Variants in PTBP1 observed in about 807,000 individuals in gnomAD.
PTBP1 encodes the protein polypyrimidine tract binding protein 1, also known as polypyrimidine tract-binding protein 1.
In PTBP1, 8 loss-of-function variants were observed where a neutral mutation model predicts 59.8. The ratio of observed to expected loss-of-function variants is 0.13; its 90% CI spans 0.08 to 0.24. The LOEUF (loss-of-function observed/expected upper bound fraction) is 0.24. PTBP1 is among the 10% of genes least tolerant of loss of function. The pLI is 1.00. For synonymous variants in PTBP1, 490 were observed against 320.7 expected (o/e 1.53, Z -5.64); for missense variants, 686 against 767.0 (o/e 0.89, Z 1.25).
intron 5 of PTBP1, 37 bp downstream of exon 5, chr19:804,475 A>G: frequency 6.3e-7 from 1 of 1,598,082 alleles, no homozygotes; most frequent in Non-Finnish European, 8.5e-7. Context: ...CAGCCCGGGG[A>G]CCTCGGGGGT....
At chr19:799,197 G>A (rs2034218793) in intron 1 of PTBP1, 2 of 639,750 alleles carry the variant, frequency 3.1e-6, no homozygotes, top group Admixed American at 2.4e-5. Context: ...GGGCGCCAAA[G>A]GACAATGGTG....
intron 2 of PTBP1, among the ~76,000 whole-genome samples, chr19:802,282 A>T (rs939613370): frequency 6.6e-6 from 1 of 152,146 alleles, no homozygotes; most frequent in East Asian, 1.9e-4. Flanking sequence ...CCTTCCAGGA[A>T]GCTCTTGAGC....
intron 1 of PTBP1, among the ~76,000 whole-genome samples, chr19:799,063 C>G (rs1481936771): frequency 6.6e-6 from 1 of 152,268 alleles, no homozygotes; most frequent in Non-Finnish European, 1.5e-5. Context: ...GGAAAGCACA[C>G]AGCAGCCCTT....
rs765856272 is a variant in PTBP1 at position 799,427 on chromosome 19, T to A, written c.23T>A (p.Ile8Lys). MDGIVPD[I>K]AVGTKRGSDE... ...TCTCTCTACAGCATTGTCCCAGATATAGCCGTTGGTACAAAGGTAGGCACT... is the reference window on the plus strand; with the variant it reads ...TCTCTCTACAGCATTGTCCCAGATAAAGCCGTTGGTACAAAGGTAGGCACT... The change falls in exon 2 of 15, where the codon ATA (isoleucine) becomes AAA (lysine). Residue 8 changes from isoleucine (I) to lysine (K), a missense_variant. Transcript: ENST00000356948. 3 of 1,613,984 alleles carry A rather than the reference T, an allele frequency of 1.9e-6. No individual in the cohort carries two copies. The highest frequency in any genetic ancestry group is 2.5e-6 in the Non-Finnish European group (3 of 1,179,976).
At position 800,906 on chromosome 19, in the gene PTBP1, G is replaced by A. The variant is rs1231006482; in HGVS notation, c.39+1463G>A. ...GGGCTGGGACGTTGAAGCCCAGCCA[G>A]GACTTGAAGCCTGCGGGAGGGATTT... On this transcript the variant is annotated intron_variant, in intron 2 of 14. Coordinates refer to ENST00000356948, the MANE Select transcript of PTBP1 (RefSeq NM_002819.5). 2.6e-5 allele frequency among the ~76,000 whole-genome samples: 4 copies of A among 152,114 alleles called. No homozygotes were observed. In the East Asian group the frequency reaches 7.7e-4, roughly 29 times the overall value.
chr19:801,725 A>C (rs968140485), intron 2 of PTBP1, among the ~76,000 whole-genome samples: 1 of 152,162 alleles, frequency 6.6e-6, no homozygotes, highest in Admixed American at 6.5e-5. Flanking sequence ...CCTGCGTCTC[A>C]GGTGCACCCA....
intron 14 of PTBP1, 29 bp downstream of exon 14, chr19:810,649 C>CT: frequency 6.2e-7 from 1 of 1,612,064 alleles, no homozygotes; most frequent in Non-Finnish European, 8.5e-7. Flanking sequence ...GTCCCTGGCT[C>CT]TCCCCAGGCT....
At chr19:810,306 GAAA>G (rs147256862) in intron 13 of PTBP1, among the ~76,000 whole-genome samples, 7 of 150,396 alleles carry the variant, frequency 4.7e-5, no homozygotes, top group East Asian at 1.9e-4. Context: ...ATTCCATCTG[GAAA>G]AAAAAAAGTG....
intron 9 of PTBP1, 70 bp from the exon 10 acceptor site, chr19:806,338 A>T: frequency 6.8e-7 from 1 of 1,477,876 alleles, no homozygotes. Flanking sequence ...GAGGACGGGG[A>T]GCGTCGGCCT....
intron 1 of PTBP1, 141 bp downstream of exon 1, chr19:797,646 GGCGGGC>G: frequency 2.3e-6 from 1 of 441,566 alleles, no homozygotes; most frequent in Non-Finnish European, 3.5e-6. Context: ...CTCTCCGCGT[GGCGGGC>G]GCGGGTGCGG....
chr19:806,787 GAATT>G (rs1243587767), intron 10 of PTBP1: 3 of 461,536 alleles, frequency 6.5e-6, no homozygotes, highest in African/African-American at 2.1e-5. Context: ...TACGCAGAAT[GAATT>G]ATTTTTTGGT....
rs1301974758 is a variant in PTBP1, at chr19:808,519, C to T, written c.1247-27C>T. On this transcript the variant is annotated intron_variant, in intron 12 of 14. Coordinates refer to ENST00000356948, the MANE Select transcript of PTBP1 (RefSeq NM_002819.5). This position sits in a 1 kb window ranked among gnomAD's most constrained non-coding sequence, Gnocchi z 4.7. ...GGGGGCTGCGTTCCCTCTCGGGCGC[C>T]TGGTCACGCGGGTGCTGCTCCCCCA... The T allele has an allele frequency of 6.4e-7, 1 of 1,564,422 alleles. No homozygotes were observed.
intron 2 of PTBP1, among the ~76,000 whole-genome samples, chr19:801,307 C>T (rs1001708670): frequency 3.3e-5 from 5 of 152,202 alleles, no homozygotes; most frequent in African/African-American, 4.8e-5. Context: ...TGTGGAGCCT[C>T]GGAGCCTCCA....
In PTBP1 at chr19:804,229, C is replaced by T. The variant is rs200203295; in HGVS notation, c.288+21C>T. 4.7e-5 allele frequency: 75 copies of T among 1,607,486 alleles called. No individual in the cohort carries two copies. In the Middle Eastern group the frequency reaches 6.6e-4, roughly 14 times the overall value. ...ACCAGGTACCTGAGCCGCGTTTCTC[C>T]GGGGTGCTCACACCGTGCAGGCGGG... is the stretch of plus-strand genomic sequence containing the variant. On this transcript the variant is annotated intron_variant, in intron 4 of 14. Transcript: ENST00000356948.
chr19:800,107 T>A (rs1268122436), intron 2 of PTBP1, among the ~76,000 whole-genome samples: 164 of 151,126 alleles, frequency 1.1e-3, no homozygotes, highest in African/African-American at 3.8e-3. Context: ...TTGTATTTTT[T>A]TTTTTTTTTT....
Position 805,132 on chromosome 19 carries a change from C to G in PTBP1, c.837C>G (p.Asp279Glu). Residue 279 changes from aspartate to glutamate, a missense_variant, in exon 8 of 15, where the codon GAC (aspartate) becomes GAG (glutamate). Physicochemically the swap from Asp to Glu is conservative, Grantham distance 45. Coordinates refer to ENST00000356948, the MANE Select transcript of PTBP1 (RefSeq NM_002819.5). ...NDKSRDYTRP[D>E]LPSGDSQPSL... ...AGAGCCGTGACTACACACGCCCAGA[C>G]CTGCCTTCCGGGGACAGCCAGCCCT... The G allele has an allele frequency of 1.2e-6, 2 of 1,613,844 alleles. No individual in the cohort carries two copies. The highest frequency in any genetic ancestry group is 8.5e-7 in the Non-Finnish European group (1 of 1,179,886).
In PTBP1 at chr19:811,735, G is replaced by A. The variant is rs973660153; in HGVS notation, c.*909G>A. 2.6e-5 allele frequency: 4 copies of A among 152,424 alleles called. No individual in the cohort carries two copies. The highest frequency in any genetic ancestry group is 5.9e-5 in the Non-Finnish European group (4 of 68,046). The allele number at this position is 152,424 out of a possible 1,614,324, so 9.4% of individuals were successfully genotyped here. A position where few individuals can be genotyped will look rare whatever the true frequency, so the allele number is the denominator to read the frequency against. On this transcript the variant is annotated 3_prime_UTR_variant, in exon 15 of 15. Transcript: ENST00000356948. ...CTATCTTAGAGCCCCTGAGCTTCAG[G>A]GAAGGGGCGGGCGTGTCGCCGCCTC...
chr19:805,126 C>A lies in PTBP1; in HGVS notation c.831C>A (p.Arg277=). The A allele has an allele frequency of 6.2e-7, 1 of 1,613,878 alleles. No individual in the cohort carries two copies. The highest frequency in any genetic ancestry group is 8.5e-7 in the Non-Finnish European group (1 of 1,179,890). ...YNNDKSRDYT[R]PDLPSGDSQP... is the part of the protein sequence containing the mutation. The stretch of plus-strand genomic sequence containing the variant: ...ATGACAAGAGCCGTGACTACACACG[C>A]CCAGACCTGCCTTCCGGGGACAGCC... Residue 277 remains arginine, a synonymous_variant, in exon 8 of 15, where the codon CGC becomes CGA. Transcript: ENST00000356948.
At chr19:804,799 G>C in intron 6 of PTBP1, 30 bp from the exon 7 acceptor site, 6 of 1,608,312 alleles carry the variant, frequency 3.7e-6, no homozygotes, top group Non-Finnish European at 5.1e-6. Context: ...GCACCGGGCA[G>C]GAGCTCATGC....
Sources: gnomAD v4.1 joint callset for allele counts (sites outside exome capture counted in the v4.1 genomes callset) on GRCh38, gnomAD v4.1.1 for gene constraint, Gnocchi (gnomAD v3.1) non-coding constraint, MANE v1.5 for transcripts, NCBI Gene and HGNC (gene_info 2026-07-23, HGNC 2026-07-21) for gene names.